The following VPS54 variants were observed in gnomAD, a reference collection of about 807,000 sequenced individuals.
The protein encoded by VPS54 is VPS54 subunit of GARP complex, also known as vacuolar protein sorting-associated protein 54.
A neutral mutation model predicts 121.5 loss-of-function variants in VPS54; 45 were observed. The ratio of observed to expected loss-of-function variants is 0.37; its 90% CI spans 0.29 to 0.47. VPS54 has a LOEUF of 0.47. Among genes scored for constraint, VPS54 ranks in the 20% least tolerant of loss-of-function variants. The pLI is 0.99. For missense variants in VPS54, 1,090 were observed against 1,131.4 expected (o/e 0.96, Z 0.52); for synonymous variants, 371 against 385.8 (o/e 0.96, Z 0.45).
At chr2:64,005,471 A>C (rs1678100202) in intron 1 of VPS54, among the ~76,000 whole-genome samples, 1 of 152,162 alleles carries the variant, frequency 6.6e-6, no homozygotes. Flanking sequence ...ATTAAATCTT[A>C]AGATATCTGT....
chr2:64,000,810 G>C (rs972447168), intron 1 of VPS54, among the ~76,000 whole-genome samples: 1 of 152,224 alleles, frequency 6.6e-6, no homozygotes, highest in Non-Finnish European at 1.5e-5. Context: ...CACTGGCACT[G>C]CACTGGGTCA....
intron 3 of VPS54, among the ~76,000 whole-genome samples, chr2:63,978,013 C>T (rs1676627729): frequency 6.6e-6 from 1 of 152,164 alleles, no homozygotes; most frequent in South Asian, 2.1e-4. Flanking sequence ...TCTCATTATT[C>T]AAGCACCCCA....
Position 63,975,093 on chromosome 2 carries a change from T to C in VPS54, c.379-2849A>G, listed in dbSNP as rs1676463528. The C allele has an allele frequency of 3.4e-6, 5 of 1,490,980 alleles. No individual in the cohort carries two copies. In the South Asian group the frequency reaches 4.9e-5, roughly 15 times the overall value. 92.4% of individuals were successfully genotyped at this position (1,490,980 alleles called of 1,614,324 possible). On this transcript the variant is annotated intron_variant, in intron 3 of 22. Coordinates refer to ENST00000272322, the MANE Select transcript of VPS54 (RefSeq NM_016516.3). Reference sequence around the variant, plus strand: ...CAGAGTCTCACTCTGTCACCCAATCTGTAGTGCAGTGGCGTGATCTTGGTT... The same window carrying C: ...CAGAGTCTCACTCTGTCACCCAATCCGTAGTGCAGTGGCGTGATCTTGGTT...
At chr2:63,992,292 G>T (rs982785193) in intron 1 of VPS54, among the ~76,000 whole-genome samples, 8 of 152,134 alleles carry the variant, frequency 5.3e-5, no homozygotes, top group Non-Finnish European at 1.0e-4. Flanking sequence ...ACACATTCAA[G>T]GAAAAAAGTT....
intron 1 of VPS54, among the ~76,000 whole-genome samples, chr2:63,996,723 T>C (rs1044895967): frequency 2.6e-5 from 4 of 152,164 alleles, no homozygotes; most frequent in African/African-American, 9.7e-5. Flanking sequence ...TCTGGGAGTG[T>C]CTGCCTTATG....
rs1361014084 is a variant in VPS54, at chr2:63,914,262, T to C, written c.2254A>G (p.Ile752Val). The change falls in exon 17 of 23, where the codon ATC becomes GTC. Residue 752 changes from isoleucine (I) to valine (V), a missense_variant. Transcript: ENST00000272322. ...VGTVLLLIRI[I>V]LEYCQCVDNI... Reference sequence around the variant, plus strand: ...TCCACACACTGGCAATATTCAAGGATAATTCTTATTAACAGCAATACGGTT... The same window carrying C: ...TCCACACACTGGCAATATTCAAGGACAATTCTTATTAACAGCAATACGGTT... The C allele has an allele frequency of 1.2e-6, 2 of 1,612,936 alleles. No homozygotes were observed. The highest frequency in any genetic ancestry group is 2.7e-5 in the African/African-American group (2 of 74,842).
chr2:63,960,833 A>C (rs1476765899), intron 7 of VPS54, among the ~76,000 whole-genome samples: 1 of 152,212 alleles, frequency 6.6e-6, no homozygotes, highest in Non-Finnish European at 1.5e-5. Flanking sequence ...CATGCTGGGG[A>C]ATTCAAAGTA....
intron 18 of VPS54, among the ~76,000 whole-genome samples, chr2:63,913,016 T>C (rs967163834): frequency 6.6e-6 from 1 of 152,180 alleles, no homozygotes; most frequent in Non-Finnish European, 1.5e-5. Flanking sequence ...AAGTAACTTA[T>C]ACTTGGAGGG....
chr2:63,998,434 C>T (rs1677710202), intron 1 of VPS54, among the ~76,000 whole-genome samples: 1 of 152,134 alleles, frequency 6.6e-6, no homozygotes, highest in Non-Finnish European at 1.5e-5. Context: ...TAACGACTTA[C>T]TCCTGCCATT....
At chr2:63,997,508 T>A (rs1162348768) in intron 1 of VPS54, among the ~76,000 whole-genome samples, 2 of 152,246 alleles carry the variant, frequency 1.3e-5, no homozygotes, top group Non-Finnish European at 2.9e-5. Context: ...CAGTAGCCGC[T>A]AATAATCCTC....
At position 63,947,471 on chromosome 2, in the gene VPS54, A is replaced by G. The variant is rs1188550282; in HGVS notation, c.1157T>C (p.Val386Ala). ...VLEEERLISLVFGLLKQRKLN... is the reference protein window; with the variant it reads ...VLEEERLISLAFGLLKQRKLN... ...CTTTCTTTGTTTTAAAAGTCCAAATACAAGAGATATTAGTCTTTCCTGTTA... is the reference window on the plus strand; with the variant it reads ...CTTTCTTTGTTTTAAAAGTCCAAATGCAAGAGATATTAGTCTTTCCTGTTA... Residue 386 changes from valine to alanine, a missense_variant, in exon 9 of 23, where the codon GTA becomes GCA. Physicochemically the swap from Val to Ala is moderately conservative, Grantham distance 64. Coordinates refer to ENST00000272322, the MANE Select transcript of VPS54 (RefSeq NM_016516.3). The G allele has an allele frequency of 1.3e-6, 2 of 1,525,852 alleles. No individual in the cohort carries two copies. Among genetic ancestry groups the G allele is most frequent in the Non-Finnish European group, 1.8e-6 (2 of 1,117,642 alleles). 94.5% of individuals were successfully genotyped at this position (1,525,852 alleles called of 1,614,324 possible). A position where few individuals can be genotyped will look rare whatever the true frequency, so the allele number is the denominator to read the frequency against.
intron 3 of VPS54, chr2:63,975,715 C>T (rs1676493198): frequency 6.6e-6 from 1 of 152,262 alleles, no homozygotes; most frequent in South Asian, 2.1e-4. Context: ...AAACTCTGAT[C>T]CTCGAATGCT....
intron 1 of VPS54, among the ~76,000 whole-genome samples, chr2:64,006,434 C>T (rs1370562040): frequency 1.3e-5 from 2 of 152,178 alleles, no homozygotes; most frequent in Non-Finnish European, 2.9e-5. Flanking sequence ...AGTTAGATCA[C>T]TGTCATTTAT....
At position 63,920,680 on chromosome 2, in the gene VPS54, T is replaced by C. The variant is rs184821206; in HGVS notation, c.1870-53A>G. On this transcript the variant is annotated intron_variant, in intron 13 of 22. Coordinates refer to ENST00000272322, the MANE Select transcript of VPS54 (RefSeq NM_016516.3). ...GTTAGTGTAACACCAAATTGAGTTA[T>C]GAAACCAAGTTAGTTTAACGATTAT... The C allele has an allele frequency of 3.9e-3, 4,260 of 1,097,536 alleles. 26 individuals are homozygous for C. Among genetic ancestry groups the C allele is most frequent in the Non-Finnish European group, 3.8e-3 (3,168 of 831,252 alleles). The allele number at this position is 1,097,536 out of a possible 1,614,324, so 68.0% of individuals were successfully genotyped here.
Position 63,933,797 on chromosome 2 carries a change from T to A in VPS54, c.1615A>T (p.Asn539Tyr). Reference protein sequence around the residue: ...PIAVDTTSQRNASPNSEPCSS... With the variant: ...PIAVDTTSQRYASPNSEPCSS... The stretch of plus-strand genomic sequence containing the variant: ...CAGGGCTCACTATTTGGAGATGCAT[T>A]TCTTTGAGAGGTAGTGTCAACTGCT... Residue 539 changes from asparagine (N) to tyrosine (Y), a missense_variant, in exon 12 of 23, where the codon AAT (asparagine) becomes TAT (tyrosine). By Grantham distance (143) the Asn-to-Tyr change is moderately radical. Around this residue, in one of 2 missense-constraint regions of VPS54, gnomAD observed 801 missense variants for 757.0 expected, o/e 1.06. Coordinates refer to ENST00000272322, the MANE Select transcript of VPS54 (RefSeq NM_016516.3). 1 of 1,613,882 alleles carries A rather than the reference T, an allele frequency of 6.2e-7. No homozygotes were observed. Among genetic ancestry groups the A allele is most frequent in the Non-Finnish European group, 8.5e-7 (1 of 1,179,860 alleles).
At chr2:63,942,380 G>A in intron 11 of VPS54, 85 bp downstream of exon 11, 3 of 934,430 alleles carry the variant, frequency 3.2e-6, no homozygotes, top group Non-Finnish European at 4.5e-6. Context: ...TTTTATTCTA[G>A]TTTGAGTCTT....
intron 3 of VPS54, 41 bp from the exon 4 acceptor site, chr2:63,972,285 C>A: frequency 7.0e-7 from 1 of 1,423,816 alleles, no homozygotes; most frequent in Non-Finnish European, 9.7e-7. Context: ...TATGTGTAAA[C>A]ATGAGTATTC....
intron 12 of VPS54, among the ~76,000 whole-genome samples, chr2:63,929,125 G>C (rs986584659): frequency 6.6e-6 from 1 of 152,110 alleles, no homozygotes; most frequent in African/African-American, 2.4e-5. Flanking sequence ...AAATTAACAA[G>C]GATATCCAGG....
rs1676805675 is a variant in VPS54, at chr2:63,981,635, T to C, written c.378+11A>G. 3 of 1,559,562 alleles carry C rather than the reference T, an allele frequency of 1.9e-6. No individual in the cohort carries two copies. The South Asian group carries it at 3.7e-5, about 19-fold the overall frequency. ...TTGACCTGACTGTAACTAGCCAAGA[T>C]TAGATATTACCTGAGAGATTTCCTG... On this transcript the variant is annotated intron_variant, in intron 3 of 22. Coordinates refer to ENST00000272322, the MANE Select transcript of VPS54 (RefSeq NM_016516.3).
Sources: allele counts gnomAD v4.1 joint callset (sites outside exome capture counted in the v4.1 genomes callset), GRCh38; gene constraint gnomAD v4.1.1; regional missense constraint gnomAD v4.1.1; transcripts MANE v1.5; gene names NCBI Gene and HGNC (gene_info 2026-07-23, HGNC 2026-07-21).